NBEA: variants seen among roughly 807,000 people sequenced by gnomAD.
The protein encoded by NBEA is neurobeachin.
A neutral mutation model predicts 343.4 loss-of-function variants in NBEA; 44 were observed. The ratio of observed to expected loss-of-function variants is 0.13; its 90% CI spans 0.10 to 0.16. The LOEUF (loss-of-function observed/expected upper bound fraction) is 0.16. Ranked by LOEUF, NBEA falls within the 10% of genes least tolerant of loss-of-function variation. The pLI, the probability that NBEA is intolerant of heterozygous loss-of-function variation, is 1.00. For missense variants in NBEA, 2,555 were observed against 3,631.3 expected, an observed-to-expected ratio of 0.70 and a Z score of 7.62; for synonymous variants, 1,175 against 1,238.7, an observed-to-expected ratio of 0.95 and a Z score of 1.08.
intron 10 of NBEA, among the ~76,000 whole-genome samples, chr13:35,094,393 G>A (rs2065231253): frequency 6.6e-6 from 1 of 152,074 alleles, no homozygotes; most frequent in African/African-American, 2.4e-5. Context: ...GCATTTCACA[G>A]TTTTCCTTAT....
intron 35 of NBEA, among the ~76,000 whole-genome samples, chr13:35,297,891 C>G (rs1594117116): frequency 6.6e-6 from 1 of 151,762 alleles, no homozygotes; most frequent in South Asian, 2.1e-4. Context: ...GTATACAGTT[C>G]AGTGGCATTA....
chr13:35,431,812 A>C (rs1294345797), intron 38 of NBEA, among the ~76,000 whole-genome samples: 1 of 152,158 alleles, frequency 6.6e-6, no homozygotes, highest in East Asian at 1.9e-4. Flanking sequence ...AATATTTTAT[A>C]CTTCTTAATT....
intron 35 of NBEA, among the ~76,000 whole-genome samples, chr13:35,308,958 A>G (rs1301658236): frequency 6.6e-6 from 1 of 151,438 alleles, no homozygotes; most frequent in Non-Finnish European, 1.5e-5. Flanking sequence ...ATTTAGCCAT[A>G]GGTTTACTAC....
intron 34 of NBEA, among the ~76,000 whole-genome samples, chr13:35,274,417 G>A (rs2034425789): frequency 6.6e-6 from 1 of 152,068 alleles, no homozygotes; most frequent in Non-Finnish European, 1.5e-5. Context: ...ATACTGAATG[G>A]GCAAAAACTG....
intron 38 of NBEA, among the ~76,000 whole-genome samples, chr13:35,358,115 G>A (rs1411264677): frequency 1.3e-5 from 2 of 151,802 alleles, no homozygotes; most frequent in African/African-American, 4.8e-5. Flanking sequence ...TCCACCTCCC[G>A]GGTTCAAGTA....
rs368141316 is a variant in NBEA, at chr13:34,947,011, G to A, written c.294+3897G>A. Among the ~76,000 whole-genome samples, 30 of 151,668 alleles carry A rather than the reference G, an allele frequency of 2.0e-4. No individual in the cohort carries two copies. The East Asian group carries it at 3.9e-3, about 20-fold the overall frequency. On this transcript the variant is annotated intron_variant, in intron 1 of 58. Coordinates refer to ENST00000379939, the MANE Select transcript of NBEA (RefSeq NM_001385012.1). Reference sequence around the variant, plus strand: ...ATATTTATTTAAAAAATATACAGTTGCATCTTAGAATCATGGAGGTCCTTA... The same window carrying A: ...ATATTTATTTAAAAAATATACAGTTACATCTTAGAATCATGGAGGTCCTTA...
Position 35,196,162 on chromosome 13 carries a change from T to C in NBEA, c.5226T>C (p.Asn1742=), listed in dbSNP as rs769603465. ...ISSISQTKGI[N]VKEILKSLVA... The stretch of plus-strand genomic sequence containing the variant: ...GCATTAGTCAAACCAAAGGCATCAA[T>C]GTGAAGGAAATACTGAAAAGTCTTG... Residue 1742 remains asparagine, a synonymous_variant, in exon 31 of 59, where the codon AAT becomes AAC. Coordinates refer to ENST00000379939, the MANE Select transcript of NBEA (RefSeq NM_001385012.1). 7.4e-6 allele frequency: 12 copies of C among 1,613,668 alleles called. No individual in the cohort carries two copies. In the South Asian group the frequency reaches 1.2e-4, roughly 16 times the overall value.
intron 39 of NBEA, among the ~76,000 whole-genome samples, chr13:35,442,548 A>G (rs2045795545): frequency 3.9e-5 from 6 of 152,162 alleles, no homozygotes; most frequent in African/African-American, 9.6e-5. Context: ...CGTTGACTCC[A>G]TTAAGAAGAT....
chr13:35,127,290 T>C (rs2067184732), intron 17 of NBEA, among the ~76,000 whole-genome samples: 1 of 152,146 alleles, frequency 6.6e-6, no homozygotes, highest in African/African-American at 2.4e-5. Context: ...CTGTCAAATA[T>C]TTTTTAGCCA....
chr13:35,162,159 A>G (rs752086864), intron 23 of NBEA, among the ~76,000 whole-genome samples, 192 bp downstream of exon 23: 1 of 152,144 alleles, frequency 6.6e-6, no homozygotes, highest in Non-Finnish European at 1.5e-5. Flanking sequence ...TAAGTTTAAA[A>G]TCACCCTGTG....
intron 38 of NBEA, among the ~76,000 whole-genome samples, chr13:35,357,025 A>G (rs2040528692): frequency 6.6e-6 from 1 of 152,122 alleles, no homozygotes; most frequent in Non-Finnish European, 1.5e-5. Flanking sequence ...TTTTTACCTG[A>G]TATTATGGAC....
intron 11 of NBEA, among the ~76,000 whole-genome samples, chr13:35,106,550 A>G (rs1214433175): frequency 6.6e-6 from 1 of 151,962 alleles, no homozygotes; most frequent in Non-Finnish European, 1.5e-5. Context: ...TAATACAAGG[A>G]GGAAAGATAA....
intron 13 of NBEA, among the ~76,000 whole-genome samples, chr13:35,111,620 T>G (rs557202324): frequency 6.6e-6 from 1 of 152,178 alleles, no homozygotes; most frequent in Non-Finnish European, 1.5e-5. Context: ...TGTTCTTTTC[T>G]CAGCTCAATG....
chr13:35,067,356 G>A (rs1042322502), intron 8 of NBEA, among the ~76,000 whole-genome samples: 8 of 150,344 alleles, frequency 5.3e-5, no homozygotes, highest in Non-Finnish European at 1.2e-4. Context: ...TGAAAAGAAT[G>A]CATCATACTC....
intron 10 of NBEA, among the ~76,000 whole-genome samples, chr13:35,071,680 A>G (rs988960180): frequency 6.6e-6 from 1 of 151,972 alleles, no homozygotes; most frequent in African/African-American, 2.4e-5. Context: ...TGAGCTCCTT[A>G]ATGGGTTATC....
intron 10 of NBEA, among the ~76,000 whole-genome samples, chr13:35,076,831 A>G (rs1196406188): frequency 6.6e-6 from 1 of 152,096 alleles, no homozygotes. Flanking sequence ...TATTTTACTC[A>G]TGCCATAGAT....
intron 1 of NBEA, among the ~76,000 whole-genome samples, chr13:34,995,074 A>T (rs1329681280): frequency 6.6e-6 from 1 of 152,210 alleles, no homozygotes; most frequent in Non-Finnish European, 1.5e-5. Flanking sequence ...ACCTTCTGGC[A>T]AGGGGAATAG....
At chr13:35,552,793 T>G (rs2079394640) in intron 43 of NBEA, among the ~76,000 whole-genome samples, 1 of 152,214 alleles carries the variant, frequency 6.6e-6, no homozygotes. Flanking sequence ...CGGAATTCAT[T>G]TAAAACAATC....
chr13:34,997,361 C>T (rs771073986), intron 1 of NBEA, among the ~76,000 whole-genome samples: 70 of 152,292 alleles, frequency 4.6e-4, no homozygotes, highest in African/African-American at 1.3e-3. Flanking sequence ...TGGTTTGTAA[C>T]GTCTTTTTCA....
Sources: allele counts gnomAD v4.1 joint callset (sites outside exome capture counted in the v4.1 genomes callset), GRCh38; gene constraint gnomAD v4.1.1; transcripts MANE v1.5; gene names NCBI Gene and HGNC (gene_info 2026-07-23, HGNC 2026-07-21).